GJA8: variants seen among roughly 807,000 people sequenced by gnomAD.
The protein encoded by GJA8 is gap junction protein alpha 8.
A neutral mutation model predicts 15.3 loss-of-function variants in GJA8; 13 were observed. The ratio of observed to expected loss-of-function variants is 0.85; its 90% CI spans 0.55 to 1.35. GJA8 has a LOEUF of 1.35. Ranked by LOEUF, GJA8 falls within the 40% of genes most tolerant of loss-of-function variation. The pLI, the probability that GJA8 is intolerant of heterozygous loss-of-function variation, is 0.00. For missense variants in GJA8, 607 were observed against 553.3 expected, an observed-to-expected ratio of 1.10 and a Z score of -0.97; for synonymous variants, 304 against 238.7, an observed-to-expected ratio of 1.27 and a Z score of -2.52.
Position 147,908,870 on chromosome 1 carries a change from C to T in GJA8, c.915C>T (p.Ser305=). 2 of 1,614,136 alleles carry T rather than the reference C, an allele frequency of 1.2e-6. No individual in the cohort carries two copies. Among genetic ancestry groups the T allele is most frequent in the Non-Finnish European group, 8.5e-7 (1 of 1,180,024 alleles). ...KPFNQFEEKI[S]TGPLGDLSRG... ...TCAATCAGTTCGAGGAGAAGATCAG[C>T]ACAGGACCCCTGGGGGACTTGTCCC... The change falls in exon 2 of 2, where the codon AGC becomes AGT. Residue 305 remains serine, a synonymous_variant. Coordinates refer to ENST00000369235, the MANE Select transcript of GJA8 (RefSeq NM_005267.5).
chr1:147,907,463 G>A (rs1553242422), intron 1 of GJA8, among the ~76,000 whole-genome samples: 16 of 152,080 alleles, frequency 1.1e-4, no homozygotes. Context: ...AACATAAGAT[G>A]GCCACAGACA....
chr1:147,908,653 G>T lies in GJA8; in HGVS notation c.698G>T (p.Arg233Leu). 6.2e-7 allele frequency: 1 copy of T among 1,614,122 alleles called. No individual in the cohort carries two copies. Among genetic ancestry groups the T allele is most frequent in the Non-Finnish European group, 8.5e-7 (1 of 1,180,006 alleles). ...GGCCACCTGGGCCTGAAGGGGATCC[G>T]GTCTGCCTTGAAGAGGCCTGTAGAG... Reference protein sequence around the residue: ...ELGHLGLKGIRSALKRPVEQP... With the variant: ...ELGHLGLKGILSALKRPVEQP... Residue 233 changes from arginine to leucine, a missense_variant, in exon 2 of 2, where the codon CGG becomes CTG. By Grantham distance (102) the Arg-to-Leu change is moderately radical. Transcript: ENST00000369235.
At chr1:147,906,258 A>T (rs1651792092) in intron 1 of GJA8, among the ~76,000 whole-genome samples, 1 of 152,246 alleles carries the variant, frequency 6.6e-6, no homozygotes, top group South Asian at 2.1e-4. Flanking sequence ...GAGGGCAGTG[A>T]TGAGTAAACT....
At position 147,909,047 on chromosome 1, in the gene GJA8, G is replaced by C. The variant is rs1553242994; in HGVS notation, c.1092G>C (p.Val364=). The C allele has an allele frequency of 6.2e-7, 1 of 1,600,374 alleles. No homozygotes were observed. Among genetic ancestry groups the C allele is most frequent in the East Asian group, 2.3e-5 (1 of 44,392 alleles). Residue 364 remains valine (V), a synonymous_variant, in exon 2 of 2, where the codon GTG becomes GTC. Transcript: ENST00000369235. ...TGACCACGGAGGAGCAGGAGAAGGT[G>C]GCCGTGCCAGAGGGGGAGAAAGTAG... is the stretch of plus-strand genomic sequence containing the variant. ...ERLTTEEQEK[V]AVPEGEKVET...
At chr1:147,906,287 C>G (rs1303056899) in intron 1 of GJA8, among the ~76,000 whole-genome samples, 2 of 152,194 alleles carry the variant, frequency 1.3e-5, no homozygotes, top group Non-Finnish European at 2.9e-5. Context: ...TAGAGATGTT[C>G]AAGCTGCAGG....
downstream of GJA8, among the ~76,000 whole-genome samples, chr1:147,914,035 T>C (rs1652284180): frequency 6.6e-6 from 1 of 152,142 alleles, no homozygotes; most frequent in South Asian, 2.1e-4. Context: ...GAAAAACTTT[T>C]ATGAAAGACA....
intron 1 of GJA8, among the ~76,000 whole-genome samples, 193 bp downstream of exon 1, chr1:147,903,054 G>A (rs1460690118): frequency 6.6e-6 from 1 of 152,184 alleles, no homozygotes; most frequent in African/African-American, 2.4e-5. Flanking sequence ...AACTGGCAGA[G>A]GTTTGGAAGG....
chr1:147,914,320 G>C, the GJA8 span, among the ~76,000 whole-genome samples: 1 of 152,140 alleles, frequency 6.6e-6, no homozygotes, highest in African/African-American at 2.4e-5. Flanking sequence ...GACTCAGTTT[G>C]TTATGAAGCA....
Position 147,908,708 on chromosome 1 carries a change from C to A in GJA8, c.753C>A (p.Ser251=). The change falls in exon 2 of 2, where the codon TCC becomes TCA. Residue 251 remains serine (S), a synonymous_variant. Transcript: ENST00000369235. The stretch of plus-strand genomic sequence containing the variant: ...CCCTGGGGGAGATTCCTGAGAAATC[C>A]CTCCACTCCATTGCTGTCTCCTCCA... ...EQPLGEIPEK[S]LHSIAVSSIQ... The A allele has an allele frequency of 6.2e-7, 1 of 1,614,126 alleles. No individual in the cohort carries two copies. Among genetic ancestry groups the A allele is most frequent in the Non-Finnish European group, 8.5e-7 (1 of 1,179,988 alleles).
chr1:147,910,703 G>T (rs972349460), downstream of GJA8, among the ~76,000 whole-genome samples: 1 of 152,084 alleles, frequency 6.6e-6, no homozygotes, highest in Non-Finnish European at 1.5e-5. Context: ...GCCCAGTTTC[G>T]AGCTGGAGGA....
In GJA8 at chr1:147,905,581, T is replaced by A. The variant is rs1193103779; in HGVS notation, c.-11-2364T>A. ...TGCTGTTTTAACATAAATTTTAGAA[T>A]GAACTATTTGATAAGAAATGAACTT... On this transcript the variant is annotated intron_variant, in intron 1 of 1. Transcript: ENST00000369235. Among the ~76,000 whole-genome samples the A allele has an allele frequency of 2.0e-5, 3 of 152,246 alleles. No individual in the cohort carries two copies. The East Asian group carries it at 5.8e-4, about 29-fold the overall frequency.
At chr1:147,903,512 T>C (rs782498545) in intron 1 of GJA8, among the ~76,000 whole-genome samples, 6 of 152,208 alleles carry the variant, frequency 3.9e-5, no homozygotes, top group Admixed American at 6.5e-5. Context: ...ATATGTGTTA[T>C]TCTGCCTCTT....
downstream of GJA8, chr1:147,909,331 A>G: frequency 2.6e-6 from 3 of 1,138,062 alleles, no homozygotes; most frequent in Non-Finnish European, 3.9e-6. Context: ...TGCCAACATG[A>G]TCTGAATCTT....
At chr1:147,906,367 G>T (rs1651798604) in intron 1 of GJA8, among the ~76,000 whole-genome samples, 1 of 152,216 alleles carries the variant, frequency 6.6e-6, no homozygotes, top group African/African-American at 2.4e-5. Context: ...TGCACTGGAT[G>T]AATGACCCAG....
chr1:147,908,308 C>A lies in GJA8; in HGVS notation c.353C>A (p.Ala118Glu), dbSNP rs782306193. The A allele has an allele frequency of 1.9e-6, 3 of 1,614,136 alleles. No homozygotes were observed. In the South Asian group the frequency reaches 3.3e-5, roughly 18 times the overall value. The change falls in exon 2 of 2, where the codon GCG (alanine) becomes GAG (glutamate). Residue 118 changes from alanine to glutamate, a missense_variant. Physicochemically the swap from Ala to Glu is moderately radical, Grantham distance 107 (BLOSUM62 -1). Coordinates refer to ENST00000369235, the MANE Select transcript of GJA8 (RefSeq NM_005267.5). ...GAGGCGGAGGAGCTGGGCCAGCAGG[C>A]GGGGACTAACGGCGGCCCGGACCAG... ...SREAEELGQQ[A>E]GTNGGPDQGS...
downstream of GJA8, among the ~76,000 whole-genome samples, chr1:147,912,509 T>C (rs1652203819): frequency 6.6e-6 from 1 of 152,196 alleles, no homozygotes. Flanking sequence ...ACAGCCAGTT[T>C]CCATTTAGAA....
Position 147,908,609 on chromosome 1 carries a change from C to A in GJA8, c.654C>A (p.Phe218Leu). 1 of 1,614,110 alleles carries A rather than the reference C, an allele frequency of 6.2e-7. No individual in the cohort carries two copies. The highest frequency in any genetic ancestry group is 8.5e-7 in the Non-Finnish European group (1 of 1,180,042). ...TGTCTGTGGCCTCTGTGTCCCTATT[C>A]CTCAACGTGATGGAGTTGGGCCACC... ...FMLSVASVSL[F>L]LNVMELGHLG... The change falls in exon 2 of 2, where the codon TTC (phenylalanine) becomes TTA (leucine). Residue 218 changes from phenylalanine to leucine, a missense_variant. By Grantham distance (22) the Phe-to-Leu change is conservative (BLOSUM62 0). Coordinates refer to ENST00000369235, the MANE Select transcript of GJA8 (RefSeq NM_005267.5).
chr1:147,910,460 AG>A (rs2149017275), downstream of GJA8, among the ~76,000 whole-genome samples: 1 of 152,292 alleles, frequency 6.6e-6, no homozygotes, highest in South Asian at 2.1e-4. Flanking sequence ...GGCTCATTGT[AG>A]CCCCTGGGTT....
Position 147,908,713 on chromosome 1 carries a change from A to T in GJA8, c.758A>T (p.His253Leu), listed in dbSNP as rs1651934297. ...PLGEIPEKSL[H>L]SIAVSSIQKA... ...GGGGAGATTCCTGAGAAATCCCTCC[A>T]CTCCATTGCTGTCTCCTCCATCCAG... Residue 253 changes from histidine (H) to leucine (L), a missense_variant, in exon 2 of 2, where the codon CAC becomes CTC. By Grantham distance (99) the His-to-Leu change is moderately conservative (BLOSUM62 -3). Coordinates refer to ENST00000369235, the MANE Select transcript of GJA8 (RefSeq NM_005267.5). 8.7e-6 allele frequency: 14 copies of T among 1,613,870 alleles called. No homozygotes were observed. Among genetic ancestry groups the T allele is most frequent in the Non-Finnish European group, 1.2e-5 (14 of 1,179,992 alleles).
Sources: gnomAD v4.1 joint callset for allele counts (sites outside exome capture counted in the v4.1 genomes callset) on GRCh38, gnomAD v4.1.1 for gene constraint, MANE v1.5 for transcripts, NCBI Gene and HGNC (gene_info 2026-07-23, HGNC 2026-07-21) for gene names.